The following HIPK3 variants were observed in gnomAD, a reference collection of about 807,000 sequenced individuals.
HIPK3 encodes the protein homeodomain interacting protein kinase 3.
A neutral mutation model predicts 124.2 loss-of-function variants in HIPK3; 47 were observed. That is an observed-to-expected ratio of 0.38 (90% CI 0.30 to 0.48). HIPK3 has a LOEUF of 0.48. Among genes scored for constraint, HIPK3 ranks in the 20% least tolerant of loss-of-function variants. The pLI is 0.98. For missense variants in HIPK3, 1,286 were observed against 1,454.3 expected, an observed-to-expected ratio of 0.88 and a Z score of 1.88; for synonymous variants, 482 against 515.2, an observed-to-expected ratio of 0.94 and a Z score of 0.87.
intron 1 of HIPK3, among the ~76,000 whole-genome samples, chr11:33,279,431 A>G (rs1291630998): frequency 2.0e-5 from 3 of 151,930 alleles, no homozygotes; most frequent in Non-Finnish European, 2.9e-5. Context: ...TGGCAAATAA[A>G]TTGAATATAA....
At chr11:33,286,029 C>G (rs1452604077) in intron 1 of HIPK3, among the ~76,000 whole-genome samples, 2 of 152,268 alleles carry the variant, frequency 1.3e-5, no homozygotes, top group Non-Finnish European at 2.9e-5. Context: ...ACTGCCTCAG[C>G]CTCTCAAAGT....
Position 33,286,531 on chromosome 11 carries a change from C to T in HIPK3, c.117C>T (p.Asn39=), listed in dbSNP as rs374944934. The T allele has an allele frequency of 2.3e-4, 364 of 1,613,648 alleles. No homozygotes were observed. Among genetic ancestry groups the T allele is most frequent in the Non-Finnish European group, 3.0e-4 (355 of 1,179,992 alleles). ...GCAGTTGTGTATTCCAGGAAAGAAA[C>T]TATCCACGGACCTATGTGAATGGTA... ...EPSSCVFQER[N]YPRTYVNGRN... The change falls in exon 2 of 17, where the codon AAC becomes AAT. Residue 39 remains asparagine (N), a synonymous_variant. Coordinates refer to ENST00000303296, the MANE Select transcript of HIPK3 (RefSeq NM_005734.5).
At chr11:33,302,404 C>T (rs1327615064) in intron 2 of HIPK3, among the ~76,000 whole-genome samples, 1 of 135,928 alleles carries the variant, frequency 7.4e-6, no homozygotes, top group Admixed American at 8.5e-5. Flanking sequence ...TGGCACAATG[C>T]CTACTCACTG....
chr11:33,258,636 CTT>C, intron 1 of HIPK3: 6 of 985,380 alleles, frequency 6.1e-6, no homozygotes, highest in Non-Finnish European at 7.2e-6. Context: ...GGCGGAAAGA[CTT>C]TGGATGAAAA....
chr11:33,335,988 C>T (rs1369577992), intron 3 of HIPK3, among the ~76,000 whole-genome samples: 1 of 151,720 alleles, frequency 6.6e-6, no homozygotes, highest in African/African-American at 2.4e-5. Context: ...TATAAGTAAA[C>T]AAAAAAATTC....
rs1188284753 is a variant in HIPK3, at chr11:33,354,462, TAA to T, written c.*895_*896del. 4 of 152,646 alleles carry T rather than the reference TAA, an allele frequency of 2.6e-5. No individual in the cohort carries two copies. Among genetic ancestry groups the T allele is most frequent in the Non-Finnish European group, 5.9e-5 (4 of 68,020 alleles). The allele number at this position is 152,646 out of a possible 1,614,324, so 9.5% of individuals were successfully genotyped here. A position where few individuals can be genotyped will look rare whatever the true frequency, so the allele number is the denominator to read the frequency against. On this transcript the variant is annotated 3_prime_UTR_variant, in exon 17 of 17. Transcript: ENST00000303296. The stretch of plus-strand genomic sequence containing the variant: ...TGTTAAGTGAAACTGCAATACAATC[TAA>T]GTTTATTTTGAGAGTGTTTGCTGTA...
At chr11:33,345,555 A>C (rs941101304) in intron 8 of HIPK3, among the ~76,000 whole-genome samples, 3 of 152,090 alleles carry the variant, frequency 2.0e-5, no homozygotes, top group Non-Finnish European at 2.9e-5. Context: ...ATTTACAGAC[A>C]ATGAGATTTT....
chr11:33,273,286 C>G (rs1009136834), intron 1 of HIPK3, among the ~76,000 whole-genome samples: 1 of 152,010 alleles, frequency 6.6e-6, no homozygotes. Flanking sequence ...GGGCAGATCA[C>G]GAGGTCAGGA....
Position 33,353,749 on chromosome 11 carries a change from T to C in HIPK3, c.*181T>C. 1 of 567,028 alleles carries C rather than the reference T, an allele frequency of 1.8e-6. No homozygotes were observed. Among genetic ancestry groups the C allele is most frequent in the Admixed American group, 3.1e-5 (1 of 32,582 alleles). 35.1% of individuals were successfully genotyped at this position (567,028 alleles called of 1,614,324 possible). A position where few individuals can be genotyped will look rare whatever the true frequency, so the allele number is the denominator to read the frequency against. Reference sequence around the variant, plus strand: ...TGTGTTTTGCACATTTGGTATAACTTGTCTTTGGTCATGTTATCTTCTTAT... The same window carrying C: ...TGTGTTTTGCACATTTGGTATAACTCGTCTTTGGTCATGTTATCTTCTTAT... On this transcript the variant is annotated 3_prime_UTR_variant, in exon 17 of 17. Transcript: ENST00000303296.
chr11:33,331,738 T>C (rs1207203777), intron 3 of HIPK3, among the ~76,000 whole-genome samples: 1 of 152,136 alleles, frequency 6.6e-6, no homozygotes. Flanking sequence ...TGGGCAATAG[T>C]AATATTAACT....
intron 1 of HIPK3, among the ~76,000 whole-genome samples, chr11:33,276,138 C>T (rs1163577687): frequency 1.3e-5 from 2 of 152,206 alleles, no homozygotes; most frequent in Non-Finnish European, 2.9e-5. Flanking sequence ...TAACATTTTA[C>T]TGCATTTGCT....
rs772156247 is a variant in HIPK3, at chr11:33,340,990, A to G, written c.1636A>G (p.Met546Val). Residue 546 changes from methionine (M) to valine (V), a missense_variant, in exon 7 of 17, where the codon ATG (methionine) becomes GTG (valine). Met to Val is a conservative substitution (Grantham distance 21, BLOSUM62 1). Coordinates refer to ENST00000303296, the MANE Select transcript of HIPK3 (RefSeq NM_005734.5). ...CAGTGTAAAGTCCTGTTTTCATATT[A>G]TGGATATTTGTAAGTCCCACCTAAA... ...SNHVKSCFHI[M>V]DICKSHLNSC... 14 of 1,597,388 alleles carry G rather than the reference A, an allele frequency of 8.8e-6. No homozygotes were observed. The highest frequency in any genetic ancestry group is 1.7e-5 in the Admixed American group (1 of 59,274).
intron 1 of HIPK3, among the ~76,000 whole-genome samples, chr11:33,282,378 CAAAAA>C (rs201483608): frequency 1.4e-5 from 2 of 146,208 alleles, no homozygotes; most frequent in Admixed American, 6.9e-5. Flanking sequence ...AAGACTGTCT[CAAAAA>C]AAAAGAAAAA....
At position 33,348,764 on chromosome 11, in the gene HIPK3, C is replaced by G; in HGVS notation, c.2612C>G (p.Thr871Ser). The G allele has an allele frequency of 6.2e-7, 1 of 1,614,138 alleles. No homozygotes were observed. Among genetic ancestry groups the G allele is most frequent in the Non-Finnish European group, 8.5e-7 (1 of 1,179,984 alleles). ...CCGAGTCCTGCAGTGAGTGTCATCA[C>G]TATCAGCAGTGACACTGATGAGGAA... ...DSPSPAVSVI[T>S]ISSDTDEEET... The change falls in exon 13 of 17, where the codon ACT becomes AGT. Residue 871 changes from threonine to serine, a missense_variant. Thr to Ser is a moderately conservative substitution (Grantham distance 58, BLOSUM62 1). Transcript: ENST00000303296.
At chr11:33,295,548 G>C (rs780399218) in intron 2 of HIPK3, among the ~76,000 whole-genome samples, 1 of 152,238 alleles carries the variant, frequency 6.6e-6, no homozygotes, top group Non-Finnish European at 1.5e-5. Context: ...GCGCACCTGC[G>C]CAGAACCTCG....
At chr11:33,325,975 A>C (rs266492) in intron 2 of HIPK3, among the ~76,000 whole-genome samples, 2,049 of 151,474 alleles carry the variant, frequency 0.014, 50 homozygotes, top group African/African-American at 0.047. Flanking sequence ...ACCTCATAGA[A>C]TCTCCCCGTG....
At chr11:33,325,173 G>A (rs1852774763) in intron 2 of HIPK3, among the ~76,000 whole-genome samples, 2 of 152,158 alleles carry the variant, frequency 1.3e-5, no homozygotes, top group Admixed American at 1.3e-4. Flanking sequence ...TTAAATGGTA[G>A]CACATGGCAG....
At chr11:33,281,646 T>C (rs74672494) in intron 1 of HIPK3, among the ~76,000 whole-genome samples, 1 of 152,236 alleles carries the variant, frequency 6.6e-6, no homozygotes, top group Non-Finnish European at 1.5e-5. Flanking sequence ...CTATAGATAT[T>C]CAGTGCATAT....
At chr11:33,330,368 G>A (rs1265453210) in intron 3 of HIPK3, among the ~76,000 whole-genome samples, 3 of 151,886 alleles carry the variant, frequency 2.0e-5, no homozygotes, top group Admixed American at 1.3e-4. Flanking sequence ...TTGCTCTGTC[G>A]CCCAGGCTGG....
Sources: gnomAD v4.1 joint callset for allele counts (sites outside exome capture counted in the v4.1 genomes callset) on GRCh38, gnomAD v4.1.1 for gene constraint, MANE v1.5 for transcripts, NCBI Gene and HGNC (gene_info 2026-07-23, HGNC 2026-07-21) for gene names.